The following ADGRL2 variants were observed in gnomAD, a reference collection of about 807,000 sequenced individuals.
ADGRL2 encodes calcium-independent alpha-latrotoxin receptor 2.
ADGRL2 carries 44 observed loss-of-function variants against 157.4 expected under a neutral mutation model. The observed-to-expected ratio is 0.28, with a 90% CI of 0.22 to 0.36. ADGRL2 has a LOEUF of 0.36. Among genes scored for constraint, ADGRL2 ranks in the 10% least tolerant of loss-of-function variants. The probability of loss-of-function intolerance (pLI) is 1.00; values close to 1 mark genes in which losing one functional copy is unlikely to be tolerated. For missense variants in ADGRL2, 1,510 were observed against 1,768.9 expected (o/e 0.85, Z 2.63); for synonymous variants, 585 against 624.7 (o/e 0.94, Z 0.95).
chr1:81,717,382 A>G (rs1181170287), intron 1 of ADGRL2, among the ~76,000 whole-genome samples: 2 of 152,206 alleles, frequency 1.3e-5, no homozygotes, highest in Admixed American at 6.5e-5. Flanking sequence ...TTGACTTTTC[A>G]CCATCAAAAT....
chr1:81,359,312 A>G (rs1570718753), intron 1 of ADGRL2, among the ~76,000 whole-genome samples: 1 of 152,120 alleles, frequency 6.6e-6, no homozygotes, highest in Admixed American at 6.5e-5. Context: ...TACAGGGTCA[A>G]CTGGAGACAG....
At chr1:81,758,488 G>C (rs1191102002) in intron 1 of ADGRL2, among the ~76,000 whole-genome samples, 1 of 152,126 alleles carries the variant, frequency 6.6e-6, no homozygotes, top group Non-Finnish European at 1.5e-5. Flanking sequence ...TTCTCATTTA[G>C]TCTGTTTCTC....
At chr1:81,813,790 A>G (rs905123459) in intron 1 of ADGRL2, among the ~76,000 whole-genome samples, 1 of 151,666 alleles carries the variant, frequency 6.6e-6, no homozygotes, top group African/African-American at 2.4e-5. Context: ...ATCTGATGTT[A>G]TAGTTCATTA....
chr1:81,810,145 TTTC>T (rs1248751669), intron 1 of ADGRL2, among the ~76,000 whole-genome samples: 1 of 151,972 alleles, frequency 6.6e-6, no homozygotes, highest in Non-Finnish European at 1.5e-5. Context: ...AGAATTCTGT[TTTC>T]TTCATAAAGT....
intron 2 of ADGRL2, among the ~76,000 whole-genome samples, chr1:81,453,520 G>C (rs1399332270): frequency 6.6e-6 from 1 of 151,928 alleles, no homozygotes; most frequent in Non-Finnish European, 1.5e-5. Flanking sequence ...AGAGAGAGAA[G>C]AAAAGAGAAA....
At chr1:81,936,495 T>C (rs898954740) in intron 3 of ADGRL2, among the ~76,000 whole-genome samples, 1 of 151,902 alleles carries the variant, frequency 6.6e-6, no homozygotes, top group African/African-American at 2.4e-5. Context: ...TTGGCCATTA[T>C]TTTTTTACTT....
chr1:81,515,089 A>G (rs1209202106), intron 2 of ADGRL2: 7 of 152,206 alleles, frequency 4.6e-5, no homozygotes, highest in Non-Finnish European at 1.0e-4. Flanking sequence ...ATCTCCGTTT[A>G]GATTCTGGTT....
At chr1:81,403,680 T>C (rs2076802626) in intron 1 of ADGRL2, among the ~76,000 whole-genome samples, 1 of 152,140 alleles carries the variant, frequency 6.6e-6, no homozygotes, top group Admixed American at 6.6e-5. Flanking sequence ...AATTTAGAGA[T>C]GCCAAAATGC....
intron 2 of ADGRL2, among the ~76,000 whole-genome samples, chr1:81,878,946 C>T (rs979908942): frequency 4.6e-5 from 7 of 152,124 alleles, no homozygotes; most frequent in Non-Finnish European, 8.8e-5. Flanking sequence ...AACGTGTATA[C>T]ATTCTGAAAG....
chr1:81,582,205 G>A (rs1164211036), intron 3 of ADGRL2, among the ~76,000 whole-genome samples: 1 of 152,048 alleles, frequency 6.6e-6, no homozygotes, highest in Non-Finnish European at 1.5e-5. Flanking sequence ...GGGAGACAGA[G>A]TGAGACTCTG....
In ADGRL2 at chr1:81,843,751, T is replaced by TA. The variant is rs1272980281; in HGVS notation, c.73+6697dup. Among the ~76,000 whole-genome samples the TA allele has an allele frequency of 3.3e-5, 5 of 152,304 alleles. No homozygotes were observed. The East Asian group carries it at 7.7e-4, about 24-fold the overall frequency. ...GGATACACTGGCATCTTTTCAAAAGTAAATTTGAATTATACTTTGGTCATC... is the reference window on the plus strand; with the variant it reads ...GGATACACTGGCATCTTTTCAAAAGTAAAATTTGAATTATACTTTGGTCATC... On this transcript the variant is annotated intron_variant, in intron 2 of 23. Coordinates refer to ENST00000686636, the MANE Select transcript of ADGRL2 (RefSeq NM_001366006.2).
intron 1 of ADGRL2, among the ~76,000 whole-genome samples, chr1:81,333,407 A>ATTAATTAT (rs1661408193): frequency 2.5e-5 from 3 of 118,014 alleles, no homozygotes; most frequent in African/African-American, 1.3e-4. Context: ...TAATTAATTA[A>ATTAATTAT]TTAATTTATT....
intron 2 of ADGRL2, among the ~76,000 whole-genome samples, chr1:81,539,454 C>A (rs867757853): frequency 6.6e-6 from 1 of 152,204 alleles, no homozygotes; most frequent in African/African-American, 2.4e-5. Flanking sequence ...AACGTTCACA[C>A]GTGGGTCTCA....
intron 1 of ADGRL2, among the ~76,000 whole-genome samples, chr1:81,419,076 A>G (rs961727074): frequency 7.9e-5 from 12 of 152,334 alleles, no homozygotes; most frequent in Admixed American, 1.3e-4. Context: ...ACTAAAGCTC[A>G]AAAGTAGGTG....
rs6658765 is a variant in ADGRL2, at chr1:81,582,786, G to T, written c.-143+1806G>T. On this transcript the variant is annotated intron_variant, in intron 3 of 24. Coordinates refer to the ADGRL2 transcript ENST00000370721. ...ACATACCCCACCACACATCAAAAAAGTGCCTAAACTATTTATAGTGTGCTT... is the reference window on the plus strand; with the variant it reads ...ACATACCCCACCACACATCAAAAAATTGCCTAAACTATTTATAGTGTGCTT... Among the ~76,000 whole-genome samples, 705 of 152,196 alleles carry T rather than the reference G, an allele frequency of 4.6e-3. 9 individuals are homozygous for T. Among genetic ancestry groups the T allele is most frequent in the African/African-American group, 0.016 (659 of 41,516 alleles).
chr1:81,424,889 G>C (rs1459468669), intron 1 of ADGRL2, among the ~76,000 whole-genome samples: 1 of 152,182 alleles, frequency 6.6e-6, no homozygotes, highest in East Asian at 1.9e-4. Flanking sequence ...TTTCTTCGTG[G>C]GAGCAATTAA....
intron 2 of ADGRL2, among the ~76,000 whole-genome samples, chr1:81,779,559 A>T (rs1375091964): frequency 6.6e-6 from 1 of 152,120 alleles, no homozygotes; most frequent in African/African-American, 2.4e-5. Flanking sequence ...AAATTTTTAT[A>T]GGTCTATTCT....
chr1:81,467,958 A>C (rs894712257), intron 2 of ADGRL2, among the ~76,000 whole-genome samples: 4 of 152,284 alleles, frequency 2.6e-5, no homozygotes, highest in African/African-American at 9.6e-5. Flanking sequence ...GAAAAATTTA[A>C]ATGTTTTTTC....
intron 2 of ADGRL2, among the ~76,000 whole-genome samples, chr1:81,575,205 G>A (rs1018206418): frequency 8.5e-5 from 13 of 152,102 alleles, no homozygotes; most frequent in African/African-American, 2.9e-4. Context: ...CCCCATGCCG[G>A]TTTAAAAACT....
Sources: allele counts gnomAD v4.1 joint callset (sites outside exome capture counted in the v4.1 genomes callset), GRCh38; gene constraint gnomAD v4.1.1; transcripts MANE v1.5; gene names NCBI Gene and HGNC (gene_info 2026-07-23, HGNC 2026-07-21).